The following XPR1 variants were observed in gnomAD, a reference collection of about 807,000 sequenced individuals.
The protein encoded by XPR1 is solute carrier family 53 member 1.
Under a neutral mutation model 87.5 loss-of-function variants are expected in XPR1, and 28 were observed. The observed-to-expected ratio is 0.32, with a 90% CI of 0.24 to 0.44. The LOEUF is 0.44. Among genes scored for constraint, XPR1 ranks in the 20% least tolerant of loss-of-function variants. The probability of loss-of-function intolerance (pLI) is 1.00; values close to 1 mark genes in which losing one functional copy is unlikely to be tolerated. For synonymous variants in XPR1, 300 were observed against 306.1 expected (o/e 0.98, Z 0.21); for missense variants, 559 against 862.3 (o/e 0.65, Z 4.41).
intron 11 of XPR1, among the ~76,000 whole-genome samples, chr1:180,862,758 C>A (rs567710224): frequency 6.6e-6 from 1 of 152,066 alleles, no homozygotes; most frequent in African/African-American, 2.4e-5. Flanking sequence ...ATGAACGATG[C>A]ATGATATATC....
chr1:180,699,035 T>C (rs1657262735), intron 2 of XPR1, among the ~76,000 whole-genome samples: 1 of 152,154 alleles, frequency 6.6e-6, no homozygotes, highest in East Asian at 1.9e-4. Flanking sequence ...AGCTTCTGGA[T>C]CTGGATAACC....
chr1:180,818,675 G>A (rs955741772), intron 7 of XPR1, among the ~76,000 whole-genome samples: 10 of 152,044 alleles, frequency 6.6e-5, no homozygotes, highest in African/African-American at 2.4e-4. Context: ...GGGACTCATG[G>A]ATCAGAGAGA....
intron 1 of XPR1, among the ~76,000 whole-genome samples, chr1:180,656,067 A>G (rs1359156606): frequency 6.6e-6 from 1 of 151,508 alleles, no homozygotes; most frequent in Admixed American, 6.6e-5. Flanking sequence ...TTTTATAACT[A>G]TTTTTTGGTA....
intron 2 of XPR1, among the ~76,000 whole-genome samples, chr1:180,746,899 T>G (rs373242416): frequency 2.0e-5 from 3 of 152,170 alleles, no homozygotes; most frequent in African/African-American, 7.2e-5. Context: ...AGTTTGTTGT[T>G]TTGTATATAA....
chr1:180,804,266 G>T (rs1397583651), intron 4 of XPR1, among the ~76,000 whole-genome samples: 1 of 152,142 alleles, frequency 6.6e-6, no homozygotes, highest in African/African-American at 2.4e-5. Context: ...GTGAGCCAAT[G>T]CTCCCAGCCT....
intron 14 of XPR1, 127 bp downstream of exon 14, chr1:180,880,424 A>C (rs1186845699): frequency 5.1e-6 from 5 of 974,452 alleles, no homozygotes; most frequent in Non-Finnish European, 7.7e-6. Flanking sequence ...TTTCACCTAC[A>C]AAAAAACAGT....
chr1:180,878,946 T>C lies in XPR1; in HGVS notation c.1809-1130T>C, dbSNP rs1230893906. Among the ~76,000 whole-genome samples the C allele has an allele frequency of 2.0e-5, 3 of 152,340 alleles. No homozygotes were observed. In the East Asian group the frequency reaches 5.8e-4, roughly 29 times the overall value. ...TTATTCCTAAACCTATTATGTGAAATACTGTCTTTATGCTATCTCCAGCCA... is the reference window on the plus strand; with the variant it reads ...TTATTCCTAAACCTATTATGTGAAACACTGTCTTTATGCTATCTCCAGCCA... On this transcript the variant is annotated intron_variant, in intron 13 of 14. Coordinates refer to ENST00000367590, the MANE Select transcript of XPR1 (RefSeq NM_004736.4).
Position 180,817,328 on chromosome 1 carries a change from C to T in XPR1, c.763+5840C>T, listed in dbSNP as rs140352353. On this transcript the variant is annotated intron_variant, in intron 7 of 14. Coordinates refer to ENST00000367590, the MANE Select transcript of XPR1 (RefSeq NM_004736.4). ...AAATTTTTTTATAAATTCAGTGTAG[C>T]CTAAGTGTACAATGTGTATAAAGTC... Among the ~76,000 whole-genome samples, 14 of 152,096 alleles carry T rather than the reference C, an allele frequency of 9.2e-5. No homozygotes were observed. The East Asian group carries it at 2.7e-3, about 29-fold the overall frequency.
At chr1:180,656,331 A>G (rs1655465797) in intron 1 of XPR1, among the ~76,000 whole-genome samples, 1 of 116,684 alleles carries the variant, frequency 8.6e-6, no homozygotes, top group Non-Finnish European at 1.6e-5. Context: ...ATATTTATAT[A>G]TATAATATTT....
At chr1:180,879,959 G>GC in intron 13 of XPR1, 117 bp from the exon 14 acceptor site, 1 of 1,049,156 alleles carries the variant, frequency 9.5e-7, no homozygotes, top group Non-Finnish European at 1.4e-6. Context: ...TAATATTCAA[G>GC]CCCTTAATTC....
At chr1:180,850,042 C>T (rs554568846) in intron 11 of XPR1, among the ~76,000 whole-genome samples, 5 of 152,218 alleles carry the variant, frequency 3.3e-5, no homozygotes, top group Non-Finnish European at 7.4e-5. Flanking sequence ...TGGATTGATA[C>T]TGCAGTTGGT....
At chr1:180,793,146 G>A (rs989044587) in intron 3 of XPR1, among the ~76,000 whole-genome samples, 1 of 151,858 alleles carries the variant, frequency 6.6e-6, no homozygotes, top group African/African-American at 2.4e-5. Context: ...TAATTGCATT[G>A]GTGTTTTATT....
At chr1:180,875,957 T>G (rs1652650793) in intron 13 of XPR1, among the ~76,000 whole-genome samples, 1 of 151,110 alleles carries the variant, frequency 6.6e-6, no homozygotes, top group Non-Finnish European at 1.5e-5. Flanking sequence ...ATGGACAAAT[T>G]ACTGAAAAAG....
chr1:180,797,378 T>C (rs1649625827), intron 3 of XPR1, among the ~76,000 whole-genome samples: 1 of 152,096 alleles, frequency 6.6e-6, no homozygotes, highest in South Asian at 2.1e-4. Flanking sequence ...TATGAAAAAC[T>C]TTATATAGAA....
chr1:180,690,536 C>T (rs558662513), intron 2 of XPR1, among the ~76,000 whole-genome samples: 1 of 152,158 alleles, frequency 6.6e-6, no homozygotes, highest in Admixed American at 6.5e-5. Context: ...TCCATGATCT[C>T]ACCTTCTACA....
chr1:180,675,588 A>G (rs913185163), intron 1 of XPR1, among the ~76,000 whole-genome samples: 5 of 152,204 alleles, frequency 3.3e-5, no homozygotes, highest in Non-Finnish European at 1.5e-5. Context: ...GCTGATGCAA[A>G]GGATTGCTTT....
chr1:180,651,543 T>C (rs1370846757), intron 1 of XPR1, among the ~76,000 whole-genome samples: 1 of 152,222 alleles, frequency 6.6e-6, no homozygotes, highest in African/African-American at 2.4e-5. Flanking sequence ...GTTTTCTTTC[T>C]TAATGGTACA....
At chr1:180,823,999 T>G (rs925792141) in intron 7 of XPR1, among the ~76,000 whole-genome samples, 22 of 152,240 alleles carry the variant, frequency 1.4e-4, no homozygotes, top group African/African-American at 5.3e-4. Flanking sequence ...TCATGTGTAC[T>G]GTTCCTTCTC....
intron 1 of XPR1, among the ~76,000 whole-genome samples, chr1:180,659,777 A>C (rs1655701099): frequency 6.6e-6 from 1 of 151,778 alleles, no homozygotes; most frequent in Non-Finnish European, 1.5e-5. Context: ...TCAGCCTCCT[A>C]AAGTGCTGGG....
Sources: allele counts gnomAD v4.1 joint callset (sites outside exome capture counted in the v4.1 genomes callset), GRCh38; gene constraint gnomAD v4.1.1; transcripts MANE v1.5; gene names NCBI Gene and HGNC (gene_info 2026-07-23, HGNC 2026-07-21).